Variants in CERT1 observed in about 807,000 individuals in gnomAD.
CERT1 encodes the protein ceramide transfer protein.
CERT1 carries 31 observed loss-of-function variants against 87.9 expected under a neutral mutation model. The ratio of observed to expected loss-of-function variants is 0.35; its 90% CI spans 0.27 to 0.48. The LOEUF (loss-of-function observed/expected upper bound fraction) is 0.48, where lower values mean the gene tolerates loss of function less well. CERT1 is among the 20% of genes least tolerant of loss of function. The pLI is 0.99. For synonymous variants in CERT1, 289 were observed against 250.9 expected, an observed-to-expected ratio of 1.15 and a Z score of -1.44; for missense variants, 487 against 758.0, an observed-to-expected ratio of 0.64 and a Z score of 4.20.
chr5:75,392,676 AAAG>A (rs1454208345), intron 11 of CERT1, among the ~76,000 whole-genome samples: 2 of 152,126 alleles, frequency 1.3e-5, no homozygotes, highest in African/African-American at 4.8e-5. Flanking sequence ...GACATATTAA[AAAG>A]AAGTGGGAGG....
chr5:75,483,922 A>T (rs115422015), intron 2 of CERT1, among the ~76,000 whole-genome samples: 295 of 152,238 alleles, frequency 1.9e-3, no homozygotes, highest in African/African-American at 6.7e-3. Context: ...GTATGTACAC[A>T]ATCACAGAAT....
chr5:75,489,956 T>C (rs1766700447), intron 2 of CERT1, among the ~76,000 whole-genome samples: 1 of 152,032 alleles, frequency 6.6e-6, no homozygotes, highest in Non-Finnish European at 1.5e-5. Flanking sequence ...CAATTGCCCA[T>C]CAATGTTAGA....
At chr5:75,412,554 T>G (rs1409494353) in intron 7 of CERT1, among the ~76,000 whole-genome samples, 3 of 152,212 alleles carry the variant, frequency 2.0e-5, no homozygotes, top group Non-Finnish European at 2.9e-5. Flanking sequence ...ACTTAATTCT[T>G]GTATAAACAT....
intron 2 of CERT1, among the ~76,000 whole-genome samples, chr5:75,469,808 C>G (rs1455210588): frequency 6.6e-6 from 1 of 151,966 alleles, no homozygotes. Context: ...TTTAAAAAGA[C>G]CCATCTATAT....
chr5:75,423,393 A>AG (rs1168469202), intron 5 of CERT1, among the ~76,000 whole-genome samples: 2 of 152,164 alleles, frequency 1.3e-5, no homozygotes, highest in Non-Finnish European at 2.9e-5. Flanking sequence ...GGAAAAAAAA[A>AG]AAATCACACA....
intron 2 of CERT1, among the ~76,000 whole-genome samples, chr5:75,492,600 G>A (rs182936437): frequency 6.6e-6 from 1 of 152,288 alleles, no homozygotes; most frequent in African/African-American, 2.4e-5. Flanking sequence ...ATGTTCATAT[G>A]TTCCCCTCAT....
intron 2 of CERT1, among the ~76,000 whole-genome samples, chr5:75,472,644 G>T (rs1322990732): frequency 6.6e-6 from 1 of 152,038 alleles, no homozygotes; most frequent in African/African-American, 2.4e-5. Context: ...CATATAAATT[G>T]TCAACAGGTA....
chr5:75,399,426 A>G, intron 10 of CERT1, 39 bp from the exon 11 acceptor site: 1 of 1,461,568 alleles, frequency 6.8e-7, no homozygotes, highest in South Asian at 1.1e-5. Context: ...AGTAATCAGA[A>G]CAAAGGCACA....
chr5:75,510,059 A>G (rs1399517770), intron 1 of CERT1, among the ~76,000 whole-genome samples: 1 of 152,192 alleles, frequency 6.6e-6, no homozygotes, highest in African/African-American at 2.4e-5. Flanking sequence ...ATATGAAACA[A>G]TTCCACAAAT....
At chr5:75,372,924 G>A (rs1479339130), downstream of CERT1, 3 of 152,218 alleles carry the variant, frequency 2.0e-5, no homozygotes, top group South Asian at 6.2e-4. Context: ...ATACACTGGT[G>A]TGTAAACACA....
chr5:75,389,280 A>AAATACAGG (rs1168390354), intron 12 of CERT1, among the ~76,000 whole-genome samples: 6 of 152,250 alleles, frequency 3.9e-5, no homozygotes, highest in African/African-American at 1.4e-4. Flanking sequence ...GGAAATATCC[A>AAATACAGG]AATACAGGAC....
chr5:75,485,658 T>G (rs559757669), intron 2 of CERT1, among the ~76,000 whole-genome samples: 1 of 151,828 alleles, frequency 6.6e-6, no homozygotes, highest in South Asian at 2.1e-4. Context: ...ATAGATAAAA[T>G]CAGAGATGAA....
Position 75,459,121 on chromosome 5 carries a change from G to A in CERT1, c.292C>T (p.Arg98Cys), listed in dbSNP as rs748508201. ...TGTCTATGATCTGGATCCTGAGCAC[G>A]AAGATACCAAACACTATCATTTACA... ...ISVNDSVWYL[R>C]AQDPDHRQQW... The change falls in exon 3 of 17, where the codon CGT becomes TGT. Residue 98 changes from arginine (R) to cysteine (C), a missense_variant. Transcript: ENST00000643780. 4 of 1,613,058 alleles carry A rather than the reference G, an allele frequency of 2.5e-6. No homozygotes were observed. Among genetic ancestry groups the A allele is most frequent in the Non-Finnish European group, 2.5e-6 (3 of 1,179,210 alleles).
chr5:75,398,475 G>T (rs565690348), intron 11 of CERT1, among the ~76,000 whole-genome samples: 1 of 152,060 alleles, frequency 6.6e-6, no homozygotes, highest in Admixed American at 6.6e-5. Context: ...CCTAACCAGG[G>T]TTTAAACTGA....
intron 10 of CERT1, among the ~76,000 whole-genome samples, chr5:75,399,877 G>A (rs1010370536): frequency 6.6e-6 from 1 of 152,152 alleles, no homozygotes; most frequent in Non-Finnish European, 1.5e-5. Context: ...GGTGGCTCAC[G>A]CCTGTAATCC....
chr5:75,458,973 T>G, intron 3 of CERT1, 92 bp downstream of exon 3: 1 of 682,942 alleles, frequency 1.5e-6, no homozygotes, highest in South Asian at 1.9e-5. Context: ...AATGTTTCAG[T>G]AACTAATGTC....
intron 11 of CERT1, among the ~76,000 whole-genome samples, chr5:75,397,517 C>A (rs764436454): frequency 6.6e-6 from 1 of 152,264 alleles, no homozygotes; most frequent in Non-Finnish European, 1.5e-5. Context: ...GGTTCTGAAC[C>A]CCTAATTCTT....
At chr5:75,447,984 C>T (rs1275961119) in intron 3 of CERT1, among the ~76,000 whole-genome samples, 1 of 152,088 alleles carries the variant, frequency 6.6e-6, no homozygotes, top group African/African-American at 2.4e-5. Context: ...TTTAAAAAAC[C>T]ATGGTTGAGG....
At chr5:75,462,464 G>A (rs1765271979) in intron 2 of CERT1, among the ~76,000 whole-genome samples, 1 of 152,196 alleles carries the variant, frequency 6.6e-6, no homozygotes, top group Non-Finnish European at 1.5e-5. Flanking sequence ...TCTGACAGGA[G>A]GCAGAGCTCA....
Sources: allele counts gnomAD v4.1 joint callset (sites outside exome capture counted in the v4.1 genomes callset), GRCh38; gene constraint gnomAD v4.1.1; transcripts MANE v1.5; gene names NCBI Gene and HGNC (gene_info 2026-07-23, HGNC 2026-07-21).